Variants in ANGEL2 observed in about 807,000 individuals in gnomAD.
ANGEL2 encodes the protein RNA 2',3'-cyclic phosphatase ANGEL2.
Under a neutral mutation model 66.0 loss-of-function variants are expected in ANGEL2, and 41 were observed. The observed-to-expected ratio is 0.62, with a 90% CI of 0.48 to 0.81. The LOEUF (loss-of-function observed/expected upper bound fraction) is 0.81, where lower values mean the gene tolerates loss of function less well. Among genes scored for constraint, ANGEL2 ranks in the 30% least tolerant of loss-of-function variants. The pLI is 0.00. For synonymous variants in ANGEL2, 208 were observed against 226.5 expected (o/e 0.92, Z 0.73); for missense variants, 561 against 641.6 (o/e 0.87, Z 1.36).
At position 212,995,307 on chromosome 1, in the gene ANGEL2, A is replaced by T. The variant is rs1198799527; in HGVS notation, c.1484-115T>A. 5.2e-6 allele frequency: 4 copies of T among 769,570 alleles called. No homozygotes were observed. In the African/African-American group the frequency reaches 7.2e-5, roughly 14 times the overall value. 47.7% of individuals were successfully genotyped at this position (769,570 alleles called of 1,614,324 possible). ...GAACTTGAGGCCCCTCCAGAAGACT[A>T]AAAACTATGACACAGTTTTTAGAAT... is the stretch of plus-strand genomic sequence containing the variant. On this transcript the variant is annotated intron_variant, in intron 8 of 8. Coordinates refer to ENST00000366962, the MANE Select transcript of ANGEL2 (RefSeq NM_144567.5).
At chr1:213,014,062 A>G (rs1301233831) in intron 1 of ANGEL2, among the ~76,000 whole-genome samples, 1 of 152,232 alleles carries the variant, frequency 6.6e-6, no homozygotes, top group Non-Finnish European at 1.5e-5. Context: ...GGGATGACGT[A>G]CTACGAATGC....
intron 3 of ANGEL2, 55 bp downstream of exon 3, chr1:213,008,155 T>A (rs2076393091): frequency 6.4e-7 from 1 of 1,564,450 alleles, no homozygotes; most frequent in Admixed American, 1.8e-5. Context: ...TGAGCCAGTG[T>A]GCCCGGCCCC....
intron 1 of ANGEL2, among the ~76,000 whole-genome samples, chr1:213,013,815 A>T (rs1013817387): frequency 6.6e-6 from 1 of 152,268 alleles, no homozygotes; most frequent in African/African-American, 2.4e-5. Flanking sequence ...TAAGGAACTC[A>T]TATCACACTA....
intron 5 of ANGEL2, among the ~76,000 whole-genome samples, chr1:213,003,912 C>T (rs763154563): frequency 3.3e-5 from 5 of 152,102 alleles, no homozygotes; most frequent in African/African-American, 9.7e-5. Context: ...AAATTTTAAA[C>T]TTATTGGCTG....
At chr1:213,000,545 G>A in intron 6 of ANGEL2, 162 bp from the exon 7 acceptor site, 1 of 753,374 alleles carries the variant, frequency 1.3e-6, no homozygotes, top group African/African-American at 1.8e-5. Flanking sequence ...CCAGAATTAG[G>A]AAAAATAGAA....
At position 213,000,477 on chromosome 1, in the gene ANGEL2, G is replaced by A. The variant is rs79739892; in HGVS notation, c.1262-94C>T. ...AGAAACAATATTTAAGACTTATCTA[G>A]GTTAGAAAGATGCCTAGTTACATGT... On this transcript the variant is annotated intron_variant, in intron 6 of 8. Coordinates refer to ENST00000366962, the MANE Select transcript of ANGEL2 (RefSeq NM_144567.5). 7.2e-3 allele frequency: 8,092 copies of A among 1,126,058 alleles called. 260 individuals are homozygous for A. The highest frequency in any genetic ancestry group is 0.064 in the East Asian group (2,614 of 40,960). 69.8% of individuals were successfully genotyped at this position (1,126,058 alleles called of 1,614,324 possible). A position where few individuals can be genotyped will look rare whatever the true frequency, so the allele number is the denominator to read the frequency against.
intron 3 of ANGEL2, among the ~76,000 whole-genome samples, chr1:213,007,739 C>A (rs1395740889): frequency 2.6e-5 from 4 of 152,174 alleles, no homozygotes; most frequent in Non-Finnish European, 5.9e-5. Flanking sequence ...AAAGTTATAC[C>A]TTATTAAGAC....
In ANGEL2 at chr1:213,005,459, A is replaced by G. The variant is rs753281377; in HGVS notation, c.713-5T>C. 2.6e-6 allele frequency: 4 copies of G among 1,565,508 alleles called. No homozygotes were observed. In the Admixed American group the frequency reaches 7.7e-5, roughly 30 times the overall value. On this transcript the variant is annotated splice_region_variant and splice_polypyrimidine_tract_variant and intron_variant, in intron 4 of 8. Transcript: ENST00000366962. ...TCTTATATTCACAGTGATAACCTAC[A>G]AGAAACAAATGAATTTAAAACAAAT...
chr1:212,996,132 C>A (rs2075991547), intron 8 of ANGEL2, among the ~76,000 whole-genome samples: 1 of 151,982 alleles, frequency 6.6e-6, no homozygotes, highest in Non-Finnish European at 1.5e-5. Flanking sequence ...ACGGTGAAAT[C>A]CCGTCTCTAC....
intron 2 of ANGEL2, among the ~76,000 whole-genome samples, chr1:213,009,628 C>A (rs1558188574): frequency 6.6e-6 from 1 of 152,194 alleles, no homozygotes; most frequent in Admixed American, 6.5e-5. Context: ...AGGAAACACA[C>A]CCATATTTTT....
intron 1 of ANGEL2, 189 bp downstream of exon 1, chr1:213,015,424 G>A: frequency 3.5e-6 from 5 of 1,422,712 alleles, no homozygotes; most frequent in Non-Finnish European, 4.6e-6. Context: ...CCCGCCAGCT[G>A]CGCGGCGGGT....
chr1:213,010,769 AAATT>A (rs2076485364), intron 2 of ANGEL2, among the ~76,000 whole-genome samples: 2 of 152,210 alleles, frequency 1.3e-5, no homozygotes. Context: ...TAAAATATGA[AAATT>A]AAGGTCTAAA....
Position 213,009,225 on chromosome 1 carries a change from C to T in ANGEL2, c.386-759G>A, listed in dbSNP as rs141254088. On this transcript the variant is annotated intron_variant, in intron 2 of 8. Transcript: ENST00000366962. ...ATGAAAAGAATAAAAAAACACAAGACTTTGCAATCATAGGCAGTCCCTGAC... is the reference window on the plus strand; with the variant it reads ...ATGAAAAGAATAAAAAAACACAAGATTTTGCAATCATAGGCAGTCCCTGAC... Among the ~76,000 whole-genome samples the T allele has an allele frequency of 9.2e-5, 14 of 152,284 alleles. No homozygotes were observed. In the East Asian group the frequency reaches 2.7e-3, roughly 29 times the overall value.
At chr1:213,002,721 C>A (rs964670698) in intron 5 of ANGEL2, among the ~76,000 whole-genome samples, 4 of 151,990 alleles carry the variant, frequency 2.6e-5, no homozygotes, top group Non-Finnish European at 5.9e-5. Context: ...AGTTCGAGAC[C>A]AGCCTGGGCA....
chr1:212,996,175 C>T (rs372031155), intron 8 of ANGEL2, among the ~76,000 whole-genome samples: 24 of 152,120 alleles, frequency 1.6e-4, no homozygotes, highest in South Asian at 4.1e-4. Context: ...GGCATGGTGG[C>T]GGGCGCCTGT....
intron 2 of ANGEL2, chr1:213,011,546 ACAC>A: frequency 1.1e-6 from 1 of 927,894 alleles, no homozygotes; most frequent in Non-Finnish European, 1.3e-6. Context: ...AGGGAAAACA[ACAC>A]CATAATTTTC....
At position 212,997,177 on chromosome 1, in the gene ANGEL2, C is replaced by A. The variant is rs2076048116; in HGVS notation, c.1461G>T (p.Lys487Asn). 6.2e-7 allele frequency: 1 copy of A among 1,612,910 alleles called. No individual in the cohort carries two copies. Among genetic ancestry groups the A allele is most frequent in the Non-Finnish European group, 8.5e-7 (1 of 1,179,142 alleles). Residue 487 changes from lysine (K) to asparagine (N), a missense_variant, in exon 8 of 9, where the codon AAG becomes AAT. Physicochemically the swap from Lys to Asn is moderately conservative, Grantham distance 94 (BLOSUM62 0). Coordinates refer to ENST00000366962, the MANE Select transcript of ANGEL2 (RefSeq NM_144567.5). ...TVDYIFYSAE[K>N]EDVAGHPGAE... ...TACCTGGGTGCCCAGCAACATCTTC[C>A]TTTTCTGCAGAGTAGAAAATATAAT...
At chr1:213,003,343 T>G (rs1362712851) in intron 5 of ANGEL2, among the ~76,000 whole-genome samples, 3 of 151,920 alleles carry the variant, frequency 2.0e-5, no homozygotes, top group Admixed American at 1.3e-4. Context: ...AACTTTGCTG[T>G]TTGGTGCAAG....
chr1:213,003,033 C>T (rs1309625048), intron 5 of ANGEL2, among the ~76,000 whole-genome samples: 3 of 152,080 alleles, frequency 2.0e-5, no homozygotes, highest in African/African-American at 4.8e-5. Context: ...GCTGCTTTAC[C>T]TGTACTTTTA....
Sources: allele counts gnomAD v4.1 joint callset (sites outside exome capture counted in the v4.1 genomes callset), GRCh38; gene constraint gnomAD v4.1.1; transcripts MANE v1.5; gene names NCBI Gene and HGNC (gene_info 2026-07-23, HGNC 2026-07-21).